TBX19: variants seen among roughly 807,000 people sequenced by gnomAD.
TBX19 encodes T-box transcription factor 19.
In TBX19, 33 loss-of-function variants were observed where a neutral mutation model predicts 40.9. The ratio of observed to expected loss-of-function variants is 0.81; its 90% CI spans 0.61 to 1.08. The LOEUF is 1.08. Ranked by LOEUF, TBX19 falls within the 50% of genes least tolerant of loss-of-function variation. The probability of loss-of-function intolerance (pLI) is 0.00; values close to 1 mark genes in which losing one functional copy is unlikely to be tolerated. For synonymous variants in TBX19, 220 were observed against 225.0 expected (o/e 0.98, Z 0.20); for missense variants, 494 against 574.0 (o/e 0.86, Z 1.42).
chr1:168,291,224 C>G lies in TBX19; in HGVS notation c.268C>G (p.Leu90Val). 1 of 1,614,248 alleles carries G rather than the reference C, an allele frequency of 6.2e-7. No individual in the cohort carries two copies. The highest frequency in any genetic ancestry group is 8.5e-7 in the Non-Finnish European group (1 of 1,180,044). ...GGACCCCAATGCCATGTACTCCCTC[C>G]TGCTGGACTTTGTCCCTACGGACAG... ...GLDPNAMYSL[L>V]LDFVPTDSHR... Residue 90 changes from leucine (L) to valine (V), a missense_variant, in exon 2 of 8, where the codon CTG becomes GTG. By Grantham distance (32) the Leu-to-Val change is conservative. Coordinates refer to ENST00000367821, the MANE Select transcript of TBX19 (RefSeq NM_005149.3).
At chr1:168,281,634 C>G (rs976036912) in intron 1 of TBX19, among the ~76,000 whole-genome samples, 1 of 152,198 alleles carries the variant, frequency 6.6e-6, no homozygotes, top group Non-Finnish European at 1.5e-5. Context: ...TATCGCAGAC[C>G]TGAGCCCCAA....
intron 3 of TBX19, among the ~76,000 whole-genome samples, chr1:168,296,702 T>C (rs146186650): frequency 2.0e-5 from 3 of 152,244 alleles, no homozygotes; most frequent in African/African-American, 7.2e-5. Context: ...AAGTCTCAGA[T>C]CCTTGCTGAC....
At chr1:168,298,197 G>GA (rs1477079899) in intron 4 of TBX19, among the ~76,000 whole-genome samples, 2 of 151,692 alleles carry the variant, frequency 1.3e-5, no homozygotes, top group African/African-American at 2.4e-5. Flanking sequence ...CTCCGTCTCA[G>GA]AAAAAAAAGA....
intron 3 of TBX19, 41 bp downstream of exon 3, chr1:168,293,319 G>GTA (rs1346782250): frequency 2.7e-5 from 42 of 1,566,104 alleles, no homozygotes; most frequent in Non-Finnish European, 3.5e-5. Context: ...GTGTGTGTGT[G>GTA]TGTGTGTAAC....
chr1:168,294,988 T>C (rs1404001283), intron 3 of TBX19, among the ~76,000 whole-genome samples: 1 of 152,010 alleles, frequency 6.6e-6, no homozygotes, highest in Admixed American at 6.6e-5. Context: ...GACACTCTAA[T>C]AGGTTAAAAA....
chr1:168,293,371 T>A, intron 3 of TBX19, 93 bp downstream of exon 3: 1 of 1,450,724 alleles, frequency 6.9e-7, no homozygotes, highest in Non-Finnish European at 9.2e-7. Flanking sequence ...GGGGGGGTCC[T>A]TTTAGATGAA....
intron 7 of TBX19, among the ~76,000 whole-genome samples, chr1:168,310,849 T>C (rs1408832889): frequency 2.0e-5 from 3 of 146,892 alleles, no homozygotes; most frequent in Non-Finnish European, 4.5e-5. Flanking sequence ...TATAAAAATA[T>C]AACAGTATAT....
chr1:168,309,573 A>G (rs1649477945), intron 7 of TBX19, among the ~76,000 whole-genome samples: 1 of 152,112 alleles, frequency 6.6e-6, no homozygotes. Flanking sequence ...CACCCATCCT[A>G]AAAGGGGGAC....
intron 2 of TBX19, among the ~76,000 whole-genome samples, chr1:168,291,932 A>T (rs1648954108): frequency 6.6e-6 from 1 of 152,122 alleles, no homozygotes; most frequent in African/African-American, 2.4e-5. Flanking sequence ...CCTTCCTTAA[A>T]CAAGGAAGGT....
At position 168,312,827 on chromosome 1, in the gene TBX19, C is replaced by A. The variant is rs1229734875; in HGVS notation, c.1172C>A (p.Pro391His). 4 of 1,614,260 alleles carry A rather than the reference C, an allele frequency of 2.5e-6. No homozygotes were observed. Among genetic ancestry groups the A allele is most frequent in the Non-Finnish European group, 2.5e-6 (3 of 1,180,050 alleles). ...FLLGNPAVTS[P>H]PSVLSTQAPT... ...CTCGGAAACCCAGCTGTGACTTCAC[C>A]CCCTTCTGTGCTCTCCACCCAAGCA... Residue 391 changes from proline to histidine, a missense_variant, in exon 8 of 8, where the codon CCC becomes CAC. This residue lies in a region of TBX19 where 284 missense variants were observed against 307.3 expected (regional missense o/e 0.92). Coordinates refer to ENST00000367821, the MANE Select transcript of TBX19 (RefSeq NM_005149.3).
chr1:168,292,884 A>AAAAAGGAAT (rs1648980259), intron 2 of TBX19, among the ~76,000 whole-genome samples: 1 of 151,322 alleles, frequency 6.6e-6, no homozygotes, highest in Non-Finnish European at 1.5e-5. Context: ...AAAAAAAAAA[A>AAAAAGGAAT]AAAAGGAATA....
chr1:168,310,343 T>A (rs1013820495), intron 7 of TBX19, among the ~76,000 whole-genome samples: 10 of 150,772 alleles, frequency 6.6e-5, no homozygotes, highest in Non-Finnish European at 1.5e-4. Flanking sequence ...AGATGACTTG[T>A]GATTTGTAAG....
At position 168,313,982 on chromosome 1, in the gene TBX19, ACCACTT is replaced by A. The variant is rs1649585149; in HGVS notation, c.*983_*988del. 1 of 152,190 alleles carries A rather than the reference ACCACTT, an allele frequency of 6.6e-6. No homozygotes were observed. The highest frequency in any genetic ancestry group is 1.5e-5 in the Non-Finnish European group (1 of 68,078). 9.4% of individuals were successfully genotyped at this position (152,190 alleles called of 1,614,324 possible). A position where few individuals can be genotyped will look rare whatever the true frequency, so the allele number is the denominator to read the frequency against. On this transcript the variant is annotated 3_prime_UTR_variant, in exon 8 of 8. Transcript: ENST00000367821. ...GAGCGATCACACCATCTGGCCTGAA[ACCACTT>A]CCCCAGCTTAGGTCCCTCTGTTATC...
intron 5 of TBX19, 136 bp from the exon 6 acceptor site, chr1:168,304,872 A>T (rs1256428023): frequency 2.2e-6 from 2 of 899,598 alleles, no homozygotes; most frequent in African/African-American, 3.3e-5. Context: ...GTACCACCAC[A>T]CAGGCTGGCA....
chr1:168,312,653 T>C (rs1649551583), intron 7 of TBX19, 55 bp from the exon 8 acceptor site: 1 of 1,593,806 alleles, frequency 6.3e-7, no homozygotes, highest in South Asian at 1.1e-5. Flanking sequence ...CAGGTGGCAC[T>C]CCTTCCTTGG....
At chr1:168,288,187 A>G (rs568763842) in intron 1 of TBX19, among the ~76,000 whole-genome samples, 2 of 152,270 alleles carry the variant, frequency 1.3e-5, no homozygotes, top group East Asian at 1.9e-4. Flanking sequence ...CATATAACCT[A>G]TGCACATCCT....
intron 6 of TBX19, among the ~76,000 whole-genome samples, chr1:168,305,398 GTT>G (rs11332580): frequency 6.6e-6 from 1 of 151,852 alleles, no homozygotes; most frequent in Non-Finnish European, 1.5e-5. Flanking sequence ...AACAATCTTA[GTT>G]TTTTTTAAAA....
At chr1:168,284,811 G>C (rs1343661476) in intron 1 of TBX19, among the ~76,000 whole-genome samples, 1 of 142,954 alleles carries the variant, frequency 7.0e-6, no homozygotes, top group Non-Finnish European at 1.5e-5. Flanking sequence ...TCTTGCTTTT[G>C]TTTTCTTTAC....
chr1:168,296,438 A>T (rs1344516437), intron 3 of TBX19, among the ~76,000 whole-genome samples: 3 of 152,160 alleles, frequency 2.0e-5, no homozygotes, highest in African/African-American at 7.2e-5. Context: ...CAAAAGACAC[A>T]TCTTACATGG....
Sources: gnomAD v4.1 joint callset for allele counts (sites outside exome capture counted in the v4.1 genomes callset) on GRCh38, gnomAD v4.1.1 for gene constraint, gnomAD v4.1.1 regional missense constraint, MANE v1.5 for transcripts, NCBI Gene and HGNC (gene_info 2026-07-23, HGNC 2026-07-21) for gene names.